Variants in OTUD7A observed in about 807,000 individuals in gnomAD.
The protein encoded by OTUD7A is OTU domain-containing protein 7A.
In OTUD7A, 12 loss-of-function variants were observed where a neutral mutation model predicts 65.7. The ratio of observed to expected loss-of-function variants is 0.18; its 90% CI spans 0.12 to 0.30. The LOEUF (loss-of-function observed/expected upper bound fraction) is 0.30. Among genes scored for constraint, OTUD7A ranks in the 10% least tolerant of loss-of-function variants. The probability of loss-of-function intolerance (pLI) is 1.00; values close to 1 mark genes in which losing one functional copy is unlikely to be tolerated. For synonymous variants in OTUD7A, 641 were observed against 586.3 expected (o/e 1.09, Z -1.35); for missense variants, 1,148 against 1,304.8 (o/e 0.88, Z 1.85).
At chr15:31,616,968 C>T (rs1307733832) in intron 3 of OTUD7A, among the ~76,000 whole-genome samples, 1 of 152,078 alleles carries the variant, frequency 6.6e-6, no homozygotes, top group East Asian at 1.9e-4. Context: ...GATCTGAGTA[C>T]CGATCTCAAA....
Position 31,860,677 on chromosome 15 carries a change from G to GTGTATATA in OTUD7A, c.-100+9829_-100+9830insTATATACA, listed in dbSNP as rs560896384. The stretch of plus-strand genomic sequence containing the variant: ...TGTGTGTATATATAGATGTATGTGT[G>GTGTATATA]TATATATATATATATATATATATGT... On this transcript the variant is annotated intron_variant, in intron 1 of 12. Coordinates refer to ENST00000307050, the MANE Select transcript of OTUD7A (RefSeq NM_001382637.1). Among the ~76,000 whole-genome samples the GTGTATATA allele has an allele frequency of 6.7e-3, 493 of 73,262 alleles. 27 individuals carry two copies. Among genetic ancestry groups the GTGTATATA allele is most frequent in the African/African-American group, 0.019 (411 of 21,626 alleles). 48.1% of individuals were successfully genotyped at this position (73,262 alleles called of 152,430 possible).
At chr15:31,748,048 T>C (rs936493231) in intron 1 of OTUD7A, among the ~76,000 whole-genome samples, 1 of 152,082 alleles carries the variant, frequency 6.6e-6, no homozygotes, top group Non-Finnish European at 1.5e-5. Flanking sequence ...TAAGAAGACA[T>C]GACAATTAAG....
chr15:31,510,547 C>G (rs1236539699), intron 8 of OTUD7A, among the ~76,000 whole-genome samples: 6 of 121,554 alleles, frequency 4.9e-5, no homozygotes, highest in East Asian at 2.6e-4. Flanking sequence ...ATATGTATAT[C>G]TATATGTAAC....
Position 31,487,092 on chromosome 15 carries a change from G to T in OTUD7A, c.1371+102C>A. Reference sequence around the variant, plus strand: ...TGGGGTGGGCGGCCGGGCAGGGGCAGGCAAGAGTGTGGGAGCATTTGGGAG... The same window carrying T: ...TGGGGTGGGCGGCCGGGCAGGGGCATGCAAGAGTGTGGGAGCATTTGGGAG... On this transcript the variant is annotated intron_variant, in intron 12 of 12. Coordinates refer to ENST00000307050, the MANE Select transcript of OTUD7A (RefSeq NM_001382637.1). This position sits in a 1 kb window ranked among gnomAD's most constrained non-coding sequence, Gnocchi z 6.0. 8.4e-7 allele frequency: 1 copy of T among 1,194,538 alleles called. No individual in the cohort carries two copies. The highest frequency in any genetic ancestry group is 1.2e-6 in the Non-Finnish European group (1 of 838,910). 74.0% of individuals were successfully genotyped at this position (1,194,538 alleles called of 1,614,324 possible). A position where few individuals can be genotyped will look rare whatever the true frequency, so the allele number is the denominator to read the frequency against.
At chr15:31,562,968 A>G (rs1398660010) in intron 4 of OTUD7A, among the ~76,000 whole-genome samples, 1 of 152,256 alleles carries the variant, frequency 6.6e-6, no homozygotes, top group Admixed American at 6.5e-5. Context: ...TAAAGGAGAC[A>G]TAAATTTAAT....
At chr15:31,507,472 C>T (rs1273859834) in intron 8 of OTUD7A, among the ~76,000 whole-genome samples, 3 of 152,102 alleles carry the variant, frequency 2.0e-5, no homozygotes, top group Admixed American at 1.3e-4. Context: ...CTTCCAGTGG[C>T]TTTGTGGTCT....
chr15:31,674,611 C>T (rs1892556026), intron 1 of OTUD7A, among the ~76,000 whole-genome samples: 1 of 152,046 alleles, frequency 6.6e-6, no homozygotes, highest in Non-Finnish European at 1.5e-5. Context: ...TGGTAAAAGC[C>T]CGTTATTCCC....
intron 3 of OTUD7A, among the ~76,000 whole-genome samples, chr15:31,610,554 G>T (rs2141221978): frequency 7.2e-6 from 1 of 139,642 alleles, no homozygotes; most frequent in East Asian, 2.2e-4. Context: ...CATATGATAG[G>T]CCACAAAACA....
chr15:31,546,137 G>A (rs952800848), intron 5 of OTUD7A, among the ~76,000 whole-genome samples: 25 of 152,140 alleles, frequency 1.6e-4, no homozygotes, highest in African/African-American at 5.3e-4. Context: ...CAAGGAACTC[G>A]AACATCTGAG....
At chr15:31,611,860 T>C (rs1280767937) in intron 3 of OTUD7A, among the ~76,000 whole-genome samples, 1 of 152,094 alleles carries the variant, frequency 6.6e-6, no homozygotes, top group African/African-American at 2.4e-5. Flanking sequence ...AGAAAAACTA[T>C]AGACCGATAT....
At chr15:31,693,707 C>A (rs1175986625) in intron 1 of OTUD7A, among the ~76,000 whole-genome samples, 2 of 152,098 alleles carry the variant, frequency 1.3e-5, no homozygotes, top group Non-Finnish European at 2.9e-5. Context: ...AAGTGAAAGC[C>A]CAAAGAGGCT....
chr15:31,590,527 A>C (rs558313215), intron 3 of OTUD7A, among the ~76,000 whole-genome samples: 1 of 152,358 alleles, frequency 6.6e-6, no homozygotes, highest in South Asian at 2.1e-4. Flanking sequence ...TTACACACAC[A>C]CATACATACA....
intron 1 of OTUD7A, among the ~76,000 whole-genome samples, chr15:31,727,551 A>C (rs1893926703): frequency 6.6e-6 from 1 of 152,204 alleles, no homozygotes; most frequent in Admixed American, 6.5e-5. Context: ...TTCATGAGGA[A>C]CTGTCATCTC....
At chr15:31,789,887 G>A (rs1336670771) in intron 1 of OTUD7A, among the ~76,000 whole-genome samples, 1 of 152,064 alleles carries the variant, frequency 6.6e-6, no homozygotes, top group Admixed American at 6.5e-5. Context: ...AAATACAAAA[G>A]TAGCCAATGC....
At chr15:31,620,087 T>G (rs1890729214) in intron 3 of OTUD7A, among the ~76,000 whole-genome samples, 1 of 152,244 alleles carries the variant, frequency 6.6e-6, no homozygotes, top group African/African-American at 2.4e-5. Flanking sequence ...TTGTGTATGT[T>G]GAACCAGCCT....
chr15:31,550,902 G>A (rs2141146274), intron 5 of OTUD7A, among the ~76,000 whole-genome samples: 1 of 152,274 alleles, frequency 6.6e-6, no homozygotes, highest in East Asian at 1.9e-4. Flanking sequence ...CTGCTAACGG[G>A]AGCTATGCAC....
chr15:31,739,273 G>A (rs1327324570), intron 1 of OTUD7A, among the ~76,000 whole-genome samples: 1 of 152,150 alleles, frequency 6.6e-6, no homozygotes, highest in Non-Finnish European at 1.5e-5. Context: ...GAGGTTCCAT[G>A]TCTACTAGTC....
At chr15:31,726,174 A>G (rs142040658) in intron 1 of OTUD7A, among the ~76,000 whole-genome samples, 1 of 151,682 alleles carries the variant, frequency 6.6e-6, no homozygotes, top group East Asian at 1.9e-4. Flanking sequence ...CTTATTCCCT[A>G]TCGGGCCTTA....
chr15:31,576,060 A>G (rs1284489375), intron 3 of OTUD7A, among the ~76,000 whole-genome samples: 1 of 152,210 alleles, frequency 6.6e-6, no homozygotes, highest in African/African-American at 2.4e-5. Context: ...CACTAAGCCA[A>G]AGGGTGTCAG....
Sources: allele counts gnomAD v4.1 joint callset (sites outside exome capture counted in the v4.1 genomes callset), GRCh38; gene constraint gnomAD v4.1.1; non-coding constraint Gnocchi (gnomAD v3.1); transcripts MANE v1.5; gene names NCBI Gene and HGNC (gene_info 2026-07-23, HGNC 2026-07-21).